The following RALYL variants were observed in gnomAD, a reference collection of about 807,000 sequenced individuals.
RALYL encodes the protein RALY RNA binding protein like, also known as RNA-binding Raly-like protein.
RALYL carries 29 observed loss-of-function variants against 35.1 expected under a neutral mutation model. The ratio of observed to expected loss-of-function variants is 0.83; its 90% CI spans 0.61 to 1.13. RALYL has a LOEUF of 1.13. Ranked by LOEUF, RALYL falls within the 50% of genes most tolerant of loss-of-function variation. The pLI is 0.00. For missense variants in RALYL, 359 were observed against 360.4 expected, an observed-to-expected ratio of 1.00 and a Z score of 0.03; for synonymous variants, 120 against 127.6, an observed-to-expected ratio of 0.94 and a Z score of 0.40.
chr8:84,537,333 G>A (rs1411604873), intron 2 of RALYL, among the ~76,000 whole-genome samples: 1 of 151,760 alleles, frequency 6.6e-6, no homozygotes, highest in Non-Finnish European at 1.5e-5. Context: ...AGCTGGGCTT[G>A]GTGGCATGCA....
At chr8:84,728,931 T>G (rs757836371) in intron 2 of RALYL, among the ~76,000 whole-genome samples, 7 of 152,180 alleles carry the variant, frequency 4.6e-5, no homozygotes, top group African/African-American at 7.2e-5. Context: ...TTTGTTCTTT[T>G]GGCTTAGGAT....
chr8:84,293,417 T>C (rs1839147826), intron 1 of RALYL, among the ~76,000 whole-genome samples: 2 of 152,128 alleles, frequency 1.3e-5, no homozygotes, highest in Admixed American at 1.3e-4. Flanking sequence ...CTAATGATTA[T>C]AGAAAAGCCA....
chr8:84,456,588 T>C (rs959652466), intron 1 of RALYL, among the ~76,000 whole-genome samples: 51 of 152,044 alleles, frequency 3.4e-4, no homozygotes, highest in African/African-American at 1.2e-3. Context: ...ATGAATTCCC[T>C]AAGTATTTAT....
intron 8 of RALYL, among the ~76,000 whole-genome samples, chr8:84,905,018 A>G (rs1846256691): frequency 6.6e-6 from 1 of 152,188 alleles, no homozygotes; most frequent in Non-Finnish European, 1.5e-5. Context: ...TTGACTATGC[A>G]ATGTTGTACA....
Position 84,618,243 on chromosome 8 carries a change from A to G in RALYL, c.256+88666A>G, listed in dbSNP as rs535443769. On this transcript the variant is annotated intron_variant, in intron 2 of 8. Coordinates refer to ENST00000521268, the MANE Select transcript of RALYL (RefSeq NM_173848.7). The stretch of plus-strand genomic sequence containing the variant: ...GGTCCTGGACTCTTTTTGGTTGGTA[A>G]GCTATTGATTATTGCCACAATTTCA... 5.0e-3 allele frequency among the ~76,000 whole-genome samples: 752 copies of G among 151,846 alleles called. 4 individuals are homozygous for G. The highest frequency in any genetic ancestry group is 0.023 in the South Asian group (111 of 4,826).
chr8:84,750,126 G>A (rs1249643364), intron 2 of RALYL, among the ~76,000 whole-genome samples: 1 of 152,136 alleles, frequency 6.6e-6, no homozygotes, highest in Non-Finnish European at 1.5e-5. Flanking sequence ...AAAGAACTGG[G>A]TCACTCCAGA....
chr8:84,461,241 T>C (rs2050737112), intron 1 of RALYL, among the ~76,000 whole-genome samples: 1 of 151,620 alleles, frequency 6.6e-6, no homozygotes, highest in South Asian at 2.1e-4. Context: ...TAGAATCTTC[T>C]ATGATACCTT....
At chr8:84,644,440 A>C (rs1827051051) in intron 2 of RALYL, among the ~76,000 whole-genome samples, 1 of 152,084 alleles carries the variant, frequency 6.6e-6, no homozygotes, top group Non-Finnish European at 1.5e-5. Context: ...ACATTCTAAT[A>C]AGAAACTTCT....
chr8:84,819,667 G>C (rs1487326404), intron 4 of RALYL, among the ~76,000 whole-genome samples: 7 of 152,116 alleles, frequency 4.6e-5, no homozygotes, highest in African/African-American at 1.7e-4. Context: ...TGCCTGAAAT[G>C]GCTTTTATTT....
chr8:84,498,079 A>T (rs928834715), intron 1 of RALYL, among the ~76,000 whole-genome samples: 14 of 151,736 alleles, frequency 9.2e-5, no homozygotes, highest in Non-Finnish European at 8.8e-5. Context: ...TAAGGTTGTG[A>T]ATATAATACC....
intron 3 of RALYL, among the ~76,000 whole-genome samples, chr8:84,795,234 T>C (rs1293383727): frequency 2.0e-5 from 3 of 152,238 alleles, no homozygotes; most frequent in Non-Finnish European, 4.4e-5. Context: ...AAATATGATG[T>C]TCTTCTAATG....
chr8:84,417,292 A>C (rs1200250071), intron 1 of RALYL, among the ~76,000 whole-genome samples: 1 of 152,066 alleles, frequency 6.6e-6, no homozygotes, highest in African/African-American at 2.4e-5. Flanking sequence ...GTTTTTTCTG[A>C]TTCTTCATGT....
At chr8:84,776,890 T>C (rs1197784191) in intron 3 of RALYL, among the ~76,000 whole-genome samples, 1 of 152,228 alleles carries the variant, frequency 6.6e-6, no homozygotes. Flanking sequence ...AGTGAGAAAG[T>C]GCTTATTTAT....
At chr8:84,300,680 G>A (rs977021641) in intron 1 of RALYL, among the ~76,000 whole-genome samples, 1 of 151,894 alleles carries the variant, frequency 6.6e-6, no homozygotes, top group Non-Finnish European at 1.5e-5. Flanking sequence ...ATTATGTAAT[G>A]CCTTTCTTTG....
intron 8 of RALYL, among the ~76,000 whole-genome samples, chr8:84,891,816 C>A (rs1843908958): frequency 1.3e-5 from 2 of 152,072 alleles, no homozygotes. Flanking sequence ...ATCCTTGGTT[C>A]CCAAAAAGTG....
chr8:84,442,226 A>T (rs1235410378), intron 1 of RALYL, among the ~76,000 whole-genome samples: 1 of 152,138 alleles, frequency 6.6e-6, no homozygotes, highest in East Asian at 1.9e-4. Context: ...ATATGAAAAA[A>T]GATTATAAAT....
At chr8:84,402,189 A>G (rs1045131314) in intron 1 of RALYL, among the ~76,000 whole-genome samples, 10 of 152,204 alleles carry the variant, frequency 6.6e-5, no homozygotes, top group African/African-American at 1.9e-4. Flanking sequence ...CTACAGAGAA[A>G]TAGATGATAA....
chr8:84,785,348 T>C (rs1819164867), intron 3 of RALYL, among the ~76,000 whole-genome samples: 1 of 152,298 alleles, frequency 6.6e-6, no homozygotes, highest in East Asian at 1.9e-4. Context: ...CTGCCCAAAC[T>C]AATTAAGTGA....
At chr8:84,210,125 A>G (rs1446151020) in intron 1 of RALYL, among the ~76,000 whole-genome samples, 3 of 152,068 alleles carry the variant, frequency 2.0e-5, no homozygotes, top group African/African-American at 7.2e-5. Flanking sequence ...AGATATTCTG[A>G]TGTTTTTGAA....
Sources: gnomAD v4.1 joint callset for allele counts (sites outside exome capture counted in the v4.1 genomes callset) on GRCh38, gnomAD v4.1.1 for gene constraint, MANE v1.5 for transcripts, NCBI Gene and HGNC (gene_info 2026-07-23, HGNC 2026-07-21) for gene names.